RANBP2: variants seen among roughly 807,000 people sequenced by gnomAD.
RANBP2 encodes the protein RAN binding protein 2, also known as E3 SUMO-protein ligase RanBP2.
A neutral mutation model predicts 303.6 loss-of-function variants in RANBP2; 57 were observed. The ratio of observed to expected loss-of-function variants is 0.19; its 90% CI spans 0.15 to 0.23. The LOEUF (loss-of-function observed/expected upper bound fraction) is 0.23, where lower values mean the gene tolerates loss of function less well. Ranked by LOEUF, RANBP2 falls within the 10% of genes least tolerant of loss-of-function variation. The probability of loss-of-function intolerance (pLI) is 1.00; values close to 1 mark genes in which losing one functional copy is unlikely to be tolerated. For missense variants in RANBP2, 3,138 were observed against 3,780.8 expected (o/e 0.83, Z 4.46); for synonymous variants, 1,167 against 1,301.5 (o/e 0.90, Z 2.23).
At chr2:109,537,964 TACACACACACACACAA>T in the RANBP2 span, among the ~76,000 whole-genome samples, 6 of 150,778 alleles carry the variant, frequency 4.0e-5, no homozygotes, top group Non-Finnish European at 8.9e-5. Context: ...CACACACACA[TACACACACACACACAA>T]ACACACACAC....
At chr2:109,253,278 C>A in the RANBP2 span, among the ~76,000 whole-genome samples, 1 of 152,210 alleles carries the variant, frequency 6.6e-6, no homozygotes, top group Admixed American at 6.5e-5. Context: ...CTCAGCCTCC[C>A]AAAGTGCTGG....
chr2:109,163,266 A>G, the RANBP2 span, among the ~76,000 whole-genome samples: 8 of 152,058 alleles, frequency 5.3e-5, no homozygotes, highest in African/African-American at 1.9e-4. Flanking sequence ...GGGCTCTGCC[A>G]TTTGTTTCTT....
At chr2:109,371,010 G>A in the RANBP2 span, among the ~76,000 whole-genome samples, 1 of 152,172 alleles carries the variant, frequency 6.6e-6, no homozygotes, top group Non-Finnish European at 1.5e-5. Flanking sequence ...ATAAATAATA[G>A]GAGTTGCATT....
chr2:109,564,903 TATGTA>T, the RANBP2 span, among the ~76,000 whole-genome samples: 1 of 152,236 alleles, frequency 6.6e-6, no homozygotes, highest in Non-Finnish European at 1.5e-5. Context: ...GTTTAAAGAG[TATGTA>T]ATATTAGTTC....
At chr2:109,014,604 C>T in the RANBP2 span, among the ~76,000 whole-genome samples, 2 of 152,230 alleles carry the variant, frequency 1.3e-5, no homozygotes, top group Non-Finnish European at 2.9e-5. Context: ...TCGGAACCTA[C>T]AGTCACAAGC....
At chr2:109,306,496 G>T in the RANBP2 span, among the ~76,000 whole-genome samples, 1 of 152,214 alleles carries the variant, frequency 6.6e-6, no homozygotes, top group Admixed American at 6.5e-5. Flanking sequence ...CCATGGAGGG[G>T]CAGGGCAGGG....
At chr2:108,889,364 TC>T in the RANBP2 span, among the ~76,000 whole-genome samples, 2 of 152,178 alleles carry the variant, frequency 1.3e-5, no homozygotes, top group Non-Finnish European at 2.9e-5. Context: ...GTCGAGGTGA[TC>T]TATCTAATGC....
the RANBP2 span, among the ~76,000 whole-genome samples, chr2:109,679,628 G>A: frequency 0.026 from 4,013 of 152,222 alleles, 147 homozygotes; most frequent in African/African-American, 0.082. Context: ...TGGTTACTTG[G>A]CTTCAAGACT....
At chr2:109,273,543 T>C in the RANBP2 span, among the ~76,000 whole-genome samples, 1 of 152,168 alleles carries the variant, frequency 6.6e-6, no homozygotes, top group Middle Eastern at 3.2e-3. Flanking sequence ...GGCACGTGTT[T>C]AGTGAATGCA....
the RANBP2 span, among the ~76,000 whole-genome samples, chr2:109,495,133 C>T: frequency 3.3e-5 from 5 of 152,220 alleles, no homozygotes; most frequent in African/African-American, 1.2e-4. Context: ...CTTTAGGTGT[C>T]TGGCATATTC....
At chr2:109,142,615 C>T in the RANBP2 span, among the ~76,000 whole-genome samples, 1 of 152,192 alleles carries the variant, frequency 6.6e-6, no homozygotes, top group Non-Finnish European at 1.5e-5. Context: ...TCTCTGGGTT[C>T]TCTGGGGGCA....
chr2:108,992,067 T>C, the RANBP2 span, among the ~76,000 whole-genome samples: 1 of 152,254 alleles, frequency 6.6e-6, no homozygotes, highest in African/African-American at 2.4e-5. Flanking sequence ...CCCAAAGTGC[T>C]GGGACTACAG....
At chr2:109,179,003 ATGTGTGTGTGTG>A in the RANBP2 span, among the ~76,000 whole-genome samples, 1 of 142,066 alleles carries the variant, frequency 7.0e-6, no homozygotes. Context: ...AAGTATAATA[ATGTGTGTGTGTG>A]TGTGTGTGTG....
downstream of RANBP2, chr2:108,786,912 C>T: frequency 6.5e-7 from 1 of 1,528,564 alleles, no homozygotes; most frequent in Non-Finnish European, 8.8e-7. Flanking sequence ...GCTGCCCCGA[C>T]GAGGTGAAGC....
chr2:109,411,159 C>T, the RANBP2 span, among the ~76,000 whole-genome samples: 1 of 152,204 alleles, frequency 6.6e-6, no homozygotes, highest in Non-Finnish European at 1.5e-5. Flanking sequence ...TCACAGTCAG[C>T]AACTCTCAAC....
At chr2:109,663,101 C>A in the RANBP2 span, among the ~76,000 whole-genome samples, 2 of 152,198 alleles carry the variant, frequency 1.3e-5, no homozygotes, top group African/African-American at 2.4e-5. Context: ...CTCTCCCACA[C>A]TTGGACAACT....
the RANBP2 span, among the ~76,000 whole-genome samples, chr2:109,440,344 G>A: frequency 2.0e-5 from 3 of 152,232 alleles, no homozygotes; most frequent in Admixed American, 1.3e-4. Context: ...GCTGGAATAC[G>A]GATAGGGTGC....
At chr2:109,346,851 CT>C in the RANBP2 span, among the ~76,000 whole-genome samples, 3 of 152,226 alleles carry the variant, frequency 2.0e-5, no homozygotes, top group African/African-American at 7.2e-5. Context: ...AGGATACAGT[CT>C]TATGCCCTTG....
At chr2:109,149,242 G>A in the RANBP2 span, among the ~76,000 whole-genome samples, 1 of 152,146 alleles carries the variant, frequency 6.6e-6, no homozygotes, top group African/African-American at 2.4e-5. Context: ...TCTCTAGTCA[G>A]ACACTAAGAA....
Sources: gnomAD v4.1 joint callset for allele counts (sites outside exome capture counted in the v4.1 genomes callset) on GRCh38, gnomAD v4.1.1 for gene constraint, MANE v1.5 for transcripts, NCBI Gene and HGNC (gene_info 2026-07-23, HGNC 2026-07-21) for gene names.